KALRN: variants seen among roughly 807,000 people sequenced by gnomAD.
KALRN encodes kalirin.
Under a neutral mutation model 353.7 loss-of-function variants are expected in KALRN, and 70 were observed. The ratio of observed to expected loss-of-function variants is 0.20; its 90% CI spans 0.16 to 0.24. The LOEUF (loss-of-function observed/expected upper bound fraction) is 0.24. Among genes scored for constraint, KALRN ranks in the 10% least tolerant of loss-of-function variants. The pLI, the probability that KALRN is intolerant of heterozygous loss-of-function variation, is 1.00. For missense variants in KALRN, 2,791 were observed against 3,756.7 expected (o/e 0.74, Z 6.72); for synonymous variants, 1,391 against 1,434.8 (o/e 0.97, Z 0.69).
chr3:124,712,584 A>G (rs894607265), intron 57 of KALRN, among the ~76,000 whole-genome samples: 4 of 149,408 alleles, frequency 2.7e-5, no homozygotes, highest in Non-Finnish European at 4.4e-5. Flanking sequence ...GAGCCTGGAA[A>G]GTTGAGGCTG....
At chr3:124,082,522 TA>T (rs2060596402) in intron 1 of KALRN, among the ~76,000 whole-genome samples, 2 of 152,174 alleles carry the variant, frequency 1.3e-5, no homozygotes, top group Admixed American at 6.5e-5. Flanking sequence ...CTAACAAACC[TA>T]AAAAACATAG....
intron 10 of KALRN, among the ~76,000 whole-genome samples, chr3:124,351,013 C>T (rs1307483573): frequency 6.6e-6 from 1 of 152,148 alleles, no homozygotes; most frequent in African/African-American, 2.4e-5. Flanking sequence ...CATAGGAAAA[C>T]CAATGCTGAC....
intron 51 of KALRN, among the ~76,000 whole-genome samples, chr3:124,681,451 A>C (rs1358727133): frequency 6.6e-6 from 1 of 152,154 alleles, no homozygotes; most frequent in Non-Finnish European, 1.5e-5. Context: ...AATTGTGTTG[A>C]TGCATGTCCG....
chr3:124,127,136 G>A (rs2064778556), intron 1 of KALRN, among the ~76,000 whole-genome samples: 1 of 152,180 alleles, frequency 6.6e-6, no homozygotes, highest in East Asian at 1.9e-4. Context: ...CAGATTTGTG[G>A]GTGAGACTTG....
At chr3:124,621,240 A>G (rs2079234716) in intron 34 of KALRN, among the ~76,000 whole-genome samples, 6 of 152,250 alleles carry the variant, frequency 3.9e-5, no homozygotes, top group Admixed American at 3.9e-4. Context: ...GACAATAACT[A>G]GAAACGAACT....
At chr3:124,286,208 TTTTTCTC>T (rs2075889359) in intron 5 of KALRN, among the ~76,000 whole-genome samples, 1 of 150,710 alleles carries the variant, frequency 6.6e-6, no homozygotes, top group Non-Finnish European at 1.5e-5. Context: ...CTCTTTTCTC[TTTTTCTC>T]TTTCTTTCTT....
chr3:124,564,525 A>C (rs1471703821), intron 34 of KALRN, among the ~76,000 whole-genome samples: 1 of 151,998 alleles, frequency 6.6e-6, no homozygotes, highest in Non-Finnish European at 1.5e-5. Context: ...AAACTAAAAA[A>C]TTTTAGCCAG....
chr3:124,456,535 A>G, intron 22 of KALRN, 75 bp from the exon 23 acceptor site: 1 of 1,000,642 alleles, frequency 1.0e-6, no homozygotes, highest in South Asian at 1.4e-5. Flanking sequence ...TCCCCCTTTT[A>G]CCACCTCCCT....
intron 3 of KALRN, among the ~76,000 whole-genome samples, chr3:124,263,682 G>T (rs1580223759): frequency 6.6e-6 from 1 of 152,202 alleles, no homozygotes; most frequent in Non-Finnish European, 1.5e-5. Flanking sequence ...CATACTTTGT[G>T]TACCATCTCT....
chr3:124,266,378 T>C (rs894740688), intron 4 of KALRN, among the ~76,000 whole-genome samples: 3 of 152,202 alleles, frequency 2.0e-5, no homozygotes, highest in Admixed American at 1.3e-4. Flanking sequence ...TTCATATGTT[T>C]TTATTTTTTT....
intron 5 of KALRN, among the ~76,000 whole-genome samples, chr3:124,279,459 C>G (rs895771070): frequency 1.3e-5 from 2 of 152,080 alleles, no homozygotes; most frequent in African/African-American, 4.8e-5. Context: ...TGGGGAGGCT[C>G]TCTTGAGGGG....
intron 53 of KALRN, among the ~76,000 whole-genome samples, chr3:124,695,544 G>T (rs1467123673): frequency 6.6e-6 from 1 of 152,172 alleles, no homozygotes; most frequent in Admixed American, 6.5e-5. Flanking sequence ...TAGGGAAGGG[G>T]CAGAGCTGAC....
intron 34 of KALRN, among the ~76,000 whole-genome samples, chr3:124,592,418 C>T (rs1014102972): frequency 8.6e-5 from 13 of 151,914 alleles, no homozygotes; most frequent in African/African-American, 2.4e-4. Flanking sequence ...AATAGCAACC[C>T]GATTTTTGAA....
intron 1 of KALRN, among the ~76,000 whole-genome samples, chr3:124,136,753 A>G (rs1340063502): frequency 6.6e-6 from 1 of 152,198 alleles, no homozygotes; most frequent in East Asian, 1.9e-4. Context: ...TAGAATCCTA[A>G]TCCAGGACAC....
chr3:124,134,924 G>T (rs2065750125), intron 1 of KALRN, among the ~76,000 whole-genome samples: 1 of 152,182 alleles, frequency 6.6e-6, no homozygotes, highest in Non-Finnish European at 1.5e-5. Context: ...CTACACTGCT[G>T]GTGTGAATGT....
At chr3:124,381,465 A>G (rs779128013) in intron 10 of KALRN, among the ~76,000 whole-genome samples, 4 of 152,186 alleles carry the variant, frequency 2.6e-5, no homozygotes, top group Non-Finnish European at 5.9e-5. Context: ...TAAGTAGAAG[A>G]CAGTTGTGAT....
chr3:124,418,468 T>C (rs2150323804), intron 14 of KALRN, among the ~76,000 whole-genome samples: 1 of 152,128 alleles, frequency 6.6e-6, no homozygotes. Context: ...GAGTGTTAGG[T>C]AGAGGGAGTG....
intron 1 of KALRN, among the ~76,000 whole-genome samples, chr3:124,117,746 A>G (rs1407235630): frequency 6.6e-6 from 1 of 152,196 alleles, no homozygotes; most frequent in Non-Finnish European, 1.5e-5. Flanking sequence ...TGTGGTGGCC[A>G]AGAAGGCTGT....
chr3:124,225,198 C>T (rs1344121206), intron 1 of KALRN, among the ~76,000 whole-genome samples: 1 of 152,132 alleles, frequency 6.6e-6, no homozygotes, highest in Non-Finnish European at 1.5e-5. Flanking sequence ...GCAAGGTCAC[C>T]AATTTCTGAG....
Sources: allele counts gnomAD v4.1 joint callset (sites outside exome capture counted in the v4.1 genomes callset), GRCh38; gene constraint gnomAD v4.1.1; transcripts MANE v1.5; gene names NCBI Gene and HGNC (gene_info 2026-07-23, HGNC 2026-07-21).